The following GIPC2 variants were observed in gnomAD, a reference collection of about 807,000 sequenced individuals.
The protein encoded by GIPC2 is PDZ domain-containing protein GIPC2.
In GIPC2, 30 loss-of-function variants were observed where a neutral mutation model predicts 30.6. The observed-to-expected ratio is 0.98, with a 90% CI of 0.73 to 1.33. The LOEUF (loss-of-function observed/expected upper bound fraction) is 1.33. GIPC2 is among the 40% of genes most tolerant of loss of function. The pLI is 0.00. For synonymous variants in GIPC2, 167 were observed against 150.0 expected (o/e 1.11, Z -0.83); for missense variants, 414 against 390.3 (o/e 1.06, Z -0.51).
At chr1:78,046,949 A>G (rs981674272) in intron 1 of GIPC2, among the ~76,000 whole-genome samples, 4 of 152,226 alleles carry the variant, frequency 2.6e-5, no homozygotes, top group Non-Finnish European at 5.9e-5. Context: ...GAAGTTTAAA[A>G]AGCTGGGCTG....
chr1:78,078,143 C>G (rs896331347), intron 1 of GIPC2, among the ~76,000 whole-genome samples: 1 of 144,354 alleles, frequency 6.9e-6, no homozygotes, highest in South Asian at 2.3e-4. Context: ...AGCCGAGATC[C>G]CGCCACTGCA....
chr1:78,105,538 G>A (rs971123232), intron 3 of GIPC2, among the ~76,000 whole-genome samples: 24 of 151,924 alleles, frequency 1.6e-4, no homozygotes, highest in African/African-American at 5.6e-4. Context: ...CGCCCACCTC[G>A]GCCTCCCAAA....
At chr1:78,107,096 C>A (rs1365059398) in intron 3 of GIPC2, among the ~76,000 whole-genome samples, 1 of 133,870 alleles carries the variant, frequency 7.5e-6, no homozygotes, top group East Asian at 2.6e-4. Flanking sequence ...CTCCCTCTTT[C>A]CCTCCCTTTC....
At chr1:78,054,844 C>T (rs1480183803) in intron 1 of GIPC2, among the ~76,000 whole-genome samples, 1 of 152,148 alleles carries the variant, frequency 6.6e-6, no homozygotes, top group Non-Finnish European at 1.5e-5. Flanking sequence ...GATATCTGAA[C>T]AACCCTAAAA....
intron 1 of GIPC2, among the ~76,000 whole-genome samples, chr1:78,071,934 C>T (rs1298679467): frequency 6.6e-6 from 1 of 152,166 alleles, no homozygotes; most frequent in Non-Finnish European, 1.5e-5. Flanking sequence ...GGATTTAGTT[C>T]AGCTAACGCA....
Position 78,133,283 on chromosome 1 carries a change from G to A in GIPC2, c.797-2309G>A, listed in dbSNP as rs143179439. Among the ~76,000 whole-genome samples the A allele has an allele frequency of 7.1e-3, 1,083 of 152,322 alleles. 10 individuals carry two copies. Among genetic ancestry groups the A allele is most frequent in the African/African-American group, 0.025 (1,043 of 41,558 alleles). ...AAAATACACAGAAAAATAAATGTCA[G>A]TGCAGAGCAATGTTGAATTTGCAGT... On this transcript the variant is annotated intron_variant, in intron 5 of 5. Coordinates refer to ENST00000370759, the MANE Select transcript of GIPC2 (RefSeq NM_017655.6).
At position 78,126,924 on chromosome 1, in the gene GIPC2, CTGACAG is replaced by C. The variant is rs535099166; in HGVS notation, c.796+967_796+972del. On this transcript the variant is annotated intron_variant, in intron 5 of 5. Transcript: ENST00000370759. ...TAGGTCTGGGTTGAACGCTCTGGAACTGACAGTGACCCTGAAATACAAGGGTCAAGA... is the reference window on the plus strand; with the variant it reads ...TAGGTCTGGGTTGAACGCTCTGGAACTGACCCTGAAATACAAGGGTCAAGA... Among the ~76,000 whole-genome samples, 9 of 152,286 alleles carry C rather than the reference CTGACAG, an allele frequency of 5.9e-5. No homozygotes were observed. The South Asian group carries it at 1.9e-3, about 32-fold the overall frequency.
intron 4 of GIPC2, among the ~76,000 whole-genome samples, chr1:78,124,178 T>G (rs577284744): frequency 2.6e-5 from 4 of 152,270 alleles, no homozygotes; most frequent in African/African-American, 9.6e-5. Flanking sequence ...AGCCAAGTAT[T>G]GAAATAAACT....
chr1:78,126,415 T>C (rs537212317), intron 5 of GIPC2, among the ~76,000 whole-genome samples: 1 of 152,304 alleles, frequency 6.6e-6, no homozygotes, highest in South Asian at 2.1e-4. Context: ...GAAGGGCAGT[T>C]GAGCAGTTGA....
intron 3 of GIPC2, among the ~76,000 whole-genome samples, chr1:78,112,852 A>G (rs147019174): frequency 2.8e-4 from 43 of 152,338 alleles, no homozygotes; most frequent in African/African-American, 9.9e-4. Flanking sequence ...GCTCTTGTAA[A>G]GAATGATATA....
chr1:78,115,899 G>T lies in GIPC2; in HGVS notation c.608-3494G>T, dbSNP rs139999677. Among the ~76,000 whole-genome samples the T allele has an allele frequency of 4.6e-5, 7 of 152,308 alleles. No individual in the cohort carries two copies. In the East Asian group the frequency reaches 1.3e-3, roughly 29 times the overall value. ...CAAAATTAATATGCAAAATTAATAT[G>T]CAAACTCCTTAATCACTTTGGCATA... On this transcript the variant is annotated intron_variant, in intron 3 of 5. Transcript: ENST00000370759.
At chr1:78,066,437 G>A (rs1055537584) in intron 1 of GIPC2, among the ~76,000 whole-genome samples, 25 of 152,184 alleles carry the variant, frequency 1.6e-4, no homozygotes, top group Non-Finnish European at 8.8e-5. Context: ...CTGTTGGTGG[G>A]AGTGTAAATT....
intron 1 of GIPC2, among the ~76,000 whole-genome samples, chr1:78,078,187 CAAAAAAAAA>C (rs10694093): frequency 7.7e-5 from 5 of 65,094 alleles, no homozygotes; most frequent in Admixed American, 4.2e-4. Context: ...GACTCCATCT[CAAAAAAAAA>C]AAAAAAAAAA....
intron 2 of GIPC2, among the ~76,000 whole-genome samples, chr1:78,090,348 C>G (rs867740149): frequency 3.3e-5 from 5 of 152,152 alleles, no homozygotes; most frequent in Middle Eastern, 3.4e-3. Context: ...GAATGTGCCA[C>G]CATGCCTGGG....
At position 78,046,172 on chromosome 1, in the gene GIPC2, C is replaced by A. The variant is rs1436763187; in HGVS notation, c.78C>A (p.Gly26=). The change falls in exon 1 of 6, where the codon GGC becomes GGA. Residue 26 remains glycine, a synonymous_variant. Coordinates refer to ENST00000370759, the MANE Select transcript of GIPC2 (RefSeq NM_017655.6). The stretch of plus-strand genomic sequence containing the variant: ...GGCTGGTGGAGGGCGAGCCGACGGG[C>A]GCGGGCGGCGGGAGCCTCTCAGCGT... The part of the protein sequence containing the change: ...TAGLVEGEPT[G]AGGGSLSASR... The A allele has an allele frequency of 2.6e-6, 4 of 1,562,936 alleles. No individual in the cohort carries two copies. The highest frequency in any genetic ancestry group is 3.5e-6 in the Non-Finnish European group (4 of 1,157,512).
At chr1:78,094,815 G>T in intron 2 of GIPC2, 137 bp from the exon 3 acceptor site, 1 of 574,250 alleles carries the variant, frequency 1.7e-6, no homozygotes, top group Non-Finnish European at 3.1e-6. Flanking sequence ...TAAACCTGTA[G>T]CATCTGATAT....
intron 2 of GIPC2, among the ~76,000 whole-genome samples, chr1:78,087,298 TA>T (rs1415132890): frequency 6.6e-6 from 1 of 152,212 alleles, no homozygotes; most frequent in East Asian, 1.9e-4. Context: ...AAGATAATCC[TA>T]AGCAAAAAGA....
chr1:78,118,419 G>A (rs959633560), intron 3 of GIPC2, among the ~76,000 whole-genome samples: 1 of 150,894 alleles, frequency 6.6e-6, no homozygotes, highest in African/African-American at 2.4e-5. Context: ...TTATTGGAGT[G>A]GGGCCTACAT....
At chr1:78,112,995 T>A (rs1662500009) in intron 3 of GIPC2, among the ~76,000 whole-genome samples, 1 of 152,176 alleles carries the variant, frequency 6.6e-6, no homozygotes, top group South Asian at 2.1e-4. Flanking sequence ...AAACCGGCAC[T>A]CGTACTCCCG....
Sources: gnomAD v4.1 joint callset for allele counts (sites outside exome capture counted in the v4.1 genomes callset) on GRCh38, gnomAD v4.1.1 for gene constraint, MANE v1.5 for transcripts, NCBI Gene and HGNC (gene_info 2026-07-23, HGNC 2026-07-21) for gene names.